Variants in CCM2 observed in about 807,000 individuals in gnomAD.
CCM2 encodes CCM2 scaffold protein, also known as cerebral cavernous malformations 2 protein.
A neutral mutation model predicts 44.9 loss-of-function variants in CCM2; 25 were observed. The observed-to-expected ratio is 0.56, with a 90% CI of 0.41 to 0.78. The LOEUF is 0.78. Among genes scored for constraint, CCM2 ranks in the 30% least tolerant of loss-of-function variants. The probability of loss-of-function intolerance (pLI) is 0.00; values close to 1 mark genes in which losing one functional copy is unlikely to be tolerated. For missense variants in CCM2, 481 were observed against 580.6 expected (o/e 0.83, Z 1.76); for synonymous variants, 219 against 241.1 (o/e 0.91, Z 0.85).
At chr7:45,031,659 G>T (rs1199649320) in intron 1 of CCM2, among the ~76,000 whole-genome samples, 1 of 152,156 alleles carries the variant, frequency 6.6e-6, no homozygotes, top group Non-Finnish European at 1.5e-5. Flanking sequence ...CTAGGCTCAA[G>T]TGATCCTCCC....
Position 45,013,416 on chromosome 7 carries a change from C to T in CCM2, c.30+13053C>T, listed in dbSNP as rs112973432. Reference sequence around the variant, plus strand: ...GCACACAGAGTATATACAGAGTACACAGAGCCCTCATACGCCTTCCACCCA... The same window carrying T: ...GCACACAGAGTATATACAGAGTACATAGAGCCCTCATACGCCTTCCACCCA... On this transcript the variant is annotated intron_variant, in intron 1 of 9. Transcript: ENST00000258781. Among the ~76,000 whole-genome samples the T allele has an allele frequency of 5.2e-3, 786 of 152,006 alleles. 9 individuals carry two copies. The highest frequency in any genetic ancestry group is 0.018 in the African/African-American group (755 of 41,428).
intron 1 of CCM2, among the ~76,000 whole-genome samples, chr7:45,001,944 G>GT (rs1244633283): frequency 1.3e-5 from 2 of 152,152 alleles, no homozygotes; most frequent in Admixed American, 6.5e-5. Flanking sequence ...GGGGTTTTGT[G>GT]TTTTTTCTGT....
rs372638007 is a variant in CCM2, at chr7:45,064,531, C to T, written c.357C>T (p.Asn119=). The change falls in exon 4 of 10, where the codon AAC becomes AAT. Residue 119 remains asparagine, a synonymous_variant. Transcript: ENST00000258781. ...CTGTGCTCAGCCTGTCTGCGTACAA[C>T]GTCAAGCTGGCCTGGAGGGACGGGG... ...HDAVLSLSAY[N]VKLAWRDGED... is the part of the protein sequence containing the mutation. The T allele has an allele frequency of 1.1e-4, 172 of 1,613,844 alleles. No individual in the cohort carries two copies. The highest frequency in any genetic ancestry group is 1.3e-4 in the Non-Finnish European group (155 of 1,179,992).
intron 1 of CCM2, among the ~76,000 whole-genome samples, chr7:45,010,883 T>C (rs1267714749): frequency 6.6e-6 from 1 of 152,224 alleles, no homozygotes; most frequent in Non-Finnish European, 1.5e-5. Context: ...TTGAAAAAGC[T>C]GCTGTGAACA....
intron 4 of CCM2, among the ~76,000 whole-genome samples, chr7:45,065,830 GC>G (rs1223390882): frequency 6.6e-6 from 1 of 152,156 alleles, no homozygotes. Flanking sequence ...GGCTTAGAAG[GC>G]TGGGTTGGTG....
intron 2 of CCM2, among the ~76,000 whole-genome samples, chr7:45,044,819 T>G (rs1022092764): frequency 1.3e-5 from 2 of 152,206 alleles, no homozygotes; most frequent in African/African-American, 2.4e-5. Context: ...GTGATTCTTA[T>G]TTTCCTTCCT....
chr7:45,047,755 G>A (rs1797827046), intron 2 of CCM2, among the ~76,000 whole-genome samples: 2 of 152,234 alleles, frequency 1.3e-5, no homozygotes, highest in African/African-American at 4.8e-5. Context: ...TCCTCACAGT[G>A]ATGGGTGCTC....
chr7:45,025,418 C>G (rs773126069), intron 1 of CCM2, among the ~76,000 whole-genome samples: 1 of 152,226 alleles, frequency 6.6e-6, no homozygotes, highest in Non-Finnish European at 1.5e-5. Flanking sequence ...AGTTCTCCTT[C>G]ACATCATTCT....
At chr7:45,022,792 G>A (rs570246338) in intron 1 of CCM2, among the ~76,000 whole-genome samples, 1 of 152,148 alleles carries the variant, frequency 6.6e-6, no homozygotes, top group Admixed American at 6.5e-5. Flanking sequence ...CCAGGCTGGA[G>A]TGCAGTGGTG....
intron 2 of CCM2, among the ~76,000 whole-genome samples, chr7:45,048,360 G>A (rs1360466341): frequency 6.6e-6 from 1 of 152,224 alleles, no homozygotes; most frequent in African/African-American, 2.4e-5. Flanking sequence ...TTTATGGGAA[G>A]TATTTTGTTT....
At chr7:45,023,647 C>A (rs1214808644) in intron 1 of CCM2, among the ~76,000 whole-genome samples, 5 of 151,414 alleles carry the variant, frequency 3.3e-5, no homozygotes, top group African/African-American at 1.2e-4. Context: ...TTTACTCAGC[C>A]TTTTTCTAGA....
intron 1 of CCM2, chr7:45,027,824 G>A (rs747388126): frequency 2.3e-5 from 37 of 1,612,464 alleles, no homozygotes; most frequent in South Asian, 5.5e-5. Context: ...TGTGGAAAGC[G>A]CCATTTAGAA....
chr7:45,074,742 A>G lies in CCM2; in HGVS notation c.1054+334A>G, dbSNP rs75690193. On this transcript the variant is annotated intron_variant, in intron 9 of 9. Transcript: ENST00000258781. ...TGAACACAACCCTGAGATTTAGGAA[A>G]ACAGTGCTGGAGGAGCCAGAGAGGC... Among the ~76,000 whole-genome samples the G allele has an allele frequency of 7.4e-3, 1,130 of 152,298 alleles. 12 individuals are homozygous for G. The highest frequency in any genetic ancestry group is 0.026 in the African/African-American group (1,080 of 41,550).
chr7:45,043,636 A>C, intron 2 of CCM2: 1 of 359,222 alleles, frequency 2.8e-6, no homozygotes, highest in South Asian at 2.1e-5. Flanking sequence ...CCCAAAAAAA[A>C]AAAAAATTGT....
At chr7:44,999,997 G>A, upstream of CCM2, 1 of 248,202 alleles carries the variant, frequency 4.0e-6, no homozygotes. Context: ...TCAGCCTGTG[G>A]GCGGTGCTCT....
chr7:45,049,037 C>G (rs552760017), intron 2 of CCM2, among the ~76,000 whole-genome samples: 1 of 152,284 alleles, frequency 6.6e-6, no homozygotes, highest in East Asian at 1.9e-4. Context: ...CTCACTGCAG[C>G]TTCAACTTCC....
At chr7:45,048,210 ATTG>A (rs1380222990) in intron 2 of CCM2, among the ~76,000 whole-genome samples, 1 of 152,252 alleles carries the variant, frequency 6.6e-6, no homozygotes, top group Non-Finnish European at 1.5e-5. Context: ...AGTAAAGGAG[ATTG>A]TTGTTGTTTT....
At chr7:45,027,470 A>G in intron 1 of CCM2, 1 of 632,180 alleles carries the variant, frequency 1.6e-6, no homozygotes, top group Non-Finnish European at 2.7e-6. Context: ...TGCTGTGGGA[A>G]GTAGGGAAAA....
At position 45,045,648 on chromosome 7, in the gene CCM2, G is replaced by A. The variant is rs374377032; in HGVS notation, c.204+7222G>A. Among the ~76,000 whole-genome samples the A allele has an allele frequency of 2.4e-4, 36 of 152,204 alleles. 1 individual carries two copies. In the South Asian group the frequency reaches 5.8e-3, roughly 25 times the overall value. On this transcript the variant is annotated intron_variant, in intron 2 of 9. Transcript: ENST00000258781. ...CTACTAAAAATACAAAAAATTAGCC[G>A]GACGTGGTGGCGGGTGCCTGTAGTC...
Sources: gnomAD v4.1 joint callset for allele counts (sites outside exome capture counted in the v4.1 genomes callset) on GRCh38, gnomAD v4.1.1 for gene constraint, MANE v1.5 for transcripts, NCBI Gene and HGNC (gene_info 2026-07-23, HGNC 2026-07-21) for gene names.